ODF2L: variants seen among roughly 807,000 people sequenced by gnomAD.
ODF2L encodes outer dense fiber of sperm tails 2 like.
ODF2L carries 76 observed loss-of-function variants against 86.3 expected under a neutral mutation model. That is an observed-to-expected ratio of 0.88 (90% CI 0.73 to 1.07). The LOEUF is 1.07. Ranked by LOEUF, ODF2L falls within the 50% of genes least tolerant of loss-of-function variation. The pLI, the probability that ODF2L is intolerant of heterozygous loss-of-function variation, is 0.00. For synonymous variants in ODF2L, 241 were observed against 231.3 expected, an observed-to-expected ratio of 1.04 and a Z score of -0.38; for missense variants, 748 against 717.4, an observed-to-expected ratio of 1.04 and a Z score of -0.49.
chr1:86,383,045 G>A, intron 5 of ODF2L, 43 bp from the exon 6 acceptor site: 1 of 1,287,234 alleles, frequency 7.8e-7, no homozygotes, highest in Non-Finnish European at 1.1e-6. Context: ...TCACAACTTG[G>A]ATAATATTGG....
intron 2 of ODF2L, chr1:86,386,669 T>C: frequency 2.6e-6 from 1 of 383,280 alleles, no homozygotes; most frequent in Non-Finnish European, 4.5e-6. Flanking sequence ...ATTACAGGCA[T>C]GATCCATTGC....
At chr1:86,352,506 CT>C (rs748132266) in intron 17 of ODF2L, among the ~76,000 whole-genome samples, 82 of 152,156 alleles carry the variant, frequency 5.4e-4, no homozygotes, top group Non-Finnish European at 1.1e-3. Flanking sequence ...ATAAAACTCA[CT>C]TGTAATAATA....
Position 86,395,185 on chromosome 1 carries a change from C to A in ODF2L, c.-60+848G>T, listed in dbSNP as rs192751754. 2.2e-3 allele frequency among the ~76,000 whole-genome samples: 333 copies of A among 152,264 alleles called. 7 individuals are homozygous for A. Among genetic ancestry groups the A allele is most frequent in the Admixed American group, 0.019 (297 of 15,298 alleles). ...CTTAACTCAGTTGCACTTAAAACTC[C>A]AAGAACCTCATTCATTCAAAAACAC... On this transcript the variant is annotated intron_variant, in intron 1 of 17. Coordinates refer to ENST00000317336, the Ensembl canonical transcript of ODF2L.
At chr1:86,372,125 G>A (rs1253965202) in intron 9 of ODF2L, among the ~76,000 whole-genome samples, 1 of 150,196 alleles carries the variant, frequency 6.7e-6, no homozygotes, top group African/African-American at 2.5e-5. Context: ...GGAGGCGGAG[G>A]TTGCAGTGAG....
downstream of ODF2L, chr1:86,348,815 G>T: frequency 6.4e-7 from 1 of 1,560,168 alleles, no homozygotes; most frequent in South Asian, 1.3e-5. Flanking sequence ...CTCTCATTTT[G>T]ATTTTCCGAC....
chr1:86,363,296 T>C (rs1659174059), intron 11 of ODF2L, among the ~76,000 whole-genome samples: 1 of 152,198 alleles, frequency 6.6e-6, no homozygotes. Flanking sequence ...CATGGAGATG[T>C]CAATCAGGCA....
chr1:86,360,626 TAAC>T, intron 11 of ODF2L, 90 bp from the exon 11 acceptor site: 2 of 568,672 alleles, frequency 3.5e-6, no homozygotes, highest in Non-Finnish European at 6.2e-6. Context: ...ACTCATGTAT[TAAC>T]AAAGTTGATA....
chr1:86,350,610 T>C (rs912563704), exon 18 of ODF2L: 2 of 152,238 alleles, frequency 1.3e-5, no homozygotes, highest in Non-Finnish European at 2.9e-5. Flanking sequence ...CCTTTGGGTA[T>C]ATACCCAGTA....
chr1:86,357,913 T>A, intron 13 of ODF2L: 1 of 985,040 alleles, frequency 1.0e-6, no homozygotes, highest in South Asian at 4.7e-5. Context: ...TGCACTGGTA[T>A]GTTTCATGAG....
In ODF2L at chr1:86,383,178, TG is replaced by T; in HGVS notation, c.390del (p.Ser131AlafsTer4). ...TCAGTTAGATTTTCTAGCAACATGC[TG>T]GATAAATTGTCTCCTGTCTGAGAAA... On this transcript the variant is annotated frameshift_variant, in exon 5 of 18. Coordinates refer to ENST00000317336, the Ensembl canonical transcript of ODF2L. LOFTEE classifies it high-confidence loss of function. 1 of 1,569,778 alleles carries T rather than the reference TG, an allele frequency of 6.4e-7. No individual in the cohort carries two copies. The highest frequency in any genetic ancestry group is 8.7e-7 in the Non-Finnish European group (1 of 1,151,438).
At chr1:86,378,978 C>T (rs2101162620) in intron 7 of ODF2L, among the ~76,000 whole-genome samples, 1 of 152,220 alleles carries the variant, frequency 6.6e-6, no homozygotes, top group East Asian at 1.9e-4. Flanking sequence ...TTACAGCATC[C>T]TCTTGGTGCT....
chr1:86,374,880 T>C (rs1184018473), intron 8 of ODF2L: 8 of 152,206 alleles, frequency 5.3e-5, no homozygotes, highest in African/African-American at 1.4e-4. Context: ...GAACTGTTCA[T>C]ATTTTAGACT....
chr1:86,372,646 A>C, intron 8 of ODF2L, 106 bp from the exon 9 acceptor site: 1 of 574,562 alleles, frequency 1.7e-6, no homozygotes, highest in Non-Finnish European at 2.9e-6. Flanking sequence ...TCTTCCAAAA[A>C]GTATGGAACT....
chr1:86,389,904 A>G (rs1378147819), intron 1 of ODF2L, among the ~76,000 whole-genome samples: 1 of 152,222 alleles, frequency 6.6e-6, no homozygotes, highest in Non-Finnish European at 1.5e-5. Context: ...AAAATTACCA[A>G]CAAAAAAAGA....
At chr1:86,361,825 T>C (rs1266255318) in intron 11 of ODF2L, among the ~76,000 whole-genome samples, 2 of 152,228 alleles carry the variant, frequency 1.3e-5, no homozygotes, top group African/African-American at 4.8e-5. Flanking sequence ...ATATGTTCAC[T>C]AGTTACTTTT....
chr1:86,389,689 T>C (rs1050655548), intron 1 of ODF2L, among the ~76,000 whole-genome samples: 2 of 151,610 alleles, frequency 1.3e-5, no homozygotes, highest in Middle Eastern at 3.2e-3. Context: ...TAAGCTCAAT[T>C]AGAAATGAAA....
chr1:86,370,501 C>T (rs1659717338), intron 10 of ODF2L, among the ~76,000 whole-genome samples: 1 of 152,014 alleles, frequency 6.6e-6, no homozygotes, highest in African/African-American at 2.4e-5. Context: ...GAAAATGATG[C>T]CATCATCTTT....
chr1:86,389,681 A>C (rs931935610), intron 1 of ODF2L, among the ~76,000 whole-genome samples: 1 of 152,116 alleles, frequency 6.6e-6, no homozygotes, highest in South Asian at 2.1e-4. Flanking sequence ...GATTCAAATA[A>C]GCTCAATTAG....
chr1:86,368,588 G>A, intron 11 of ODF2L: 2 of 1,282,760 alleles, frequency 1.6e-6, no homozygotes, highest in Non-Finnish European at 2.0e-6. Flanking sequence ...TTTATTTCCT[G>A]TGCTGATGAG....
Sources: gnomAD v4.1 joint callset for allele counts (sites outside exome capture counted in the v4.1 genomes callset) on GRCh38, gnomAD v4.1.1 for gene constraint, MANE v1.5 for transcripts, NCBI Gene and HGNC (gene_info 2026-07-23, HGNC 2026-07-21) for gene names.